NFXL1: variants seen among roughly 807,000 people sequenced by gnomAD.
The protein encoded by NFXL1 is NF-X1-type zinc finger protein NFXL1.
NFXL1 carries 66 observed loss-of-function variants against 123.3 expected under a neutral mutation model. That is an observed-to-expected ratio of 0.54 (90% CI 0.44 to 0.66). NFXL1 has a LOEUF of 0.66. NFXL1 is among the 30% of genes least tolerant of loss of function. The pLI is 0.00. For synonymous variants in NFXL1, 346 were observed against 360.8 expected (o/e 0.96, Z 0.46); for missense variants, 944 against 1,125.6 (o/e 0.84, Z 2.31).
intron 20 of NFXL1, 54 bp downstream of exon 20, chr4:47,855,005 C>A (rs567522727): frequency 1.0e-5 from 7 of 698,074 alleles, no homozygotes; most frequent in South Asian, 5.0e-5. Flanking sequence ...AACAAGAAAA[C>A]CACACAAAAA....
At chr4:47,877,679 T>C (rs902009695) in intron 17 of NFXL1, among the ~76,000 whole-genome samples, 3 of 151,948 alleles carry the variant, frequency 2.0e-5, no homozygotes, top group Admixed American at 1.3e-4. Context: ...CATTTACACA[T>C]GTTTGCACAT....
At chr4:47,898,690 G>A in intron 8 of NFXL1, 67 bp downstream of exon 8, 2 of 1,052,064 alleles carry the variant, frequency 1.9e-6, no homozygotes, top group Non-Finnish European at 3.0e-6. Context: ...TAGCCTTGCT[G>A]CTTTCTAGGT....
chr4:47,851,218 C>T, intron 21 of NFXL1, 70 bp from the exon 22 acceptor site: 1 of 1,099,598 alleles, frequency 9.1e-7, no homozygotes, highest in African/African-American at 1.5e-5. Flanking sequence ...TTAACATCTA[C>T]CCATCCAGGT....
intron 19 of NFXL1, among the ~76,000 whole-genome samples, chr4:47,859,666 C>A (rs1734610511): frequency 6.6e-6 from 1 of 151,756 alleles, no homozygotes; most frequent in Non-Finnish European, 1.5e-5. Flanking sequence ...CATGGTGAAA[C>A]CCCGTTTCTA....
chr4:47,854,940 C>CAAAAAAAAA (rs373169214), intron 20 of NFXL1, 119 bp downstream of exon 20: 1 of 187,960 alleles, frequency 5.3e-6, no homozygotes. Flanking sequence ...AATTAAAAGG[C>CAAAAAAAAA]AAAAAAAAAA....
chr4:47,905,304 T>C lies in NFXL1; in HGVS notation c.449A>G (p.Asn150Ser). ...RELERTKQYV[N>S]EAFQAGAMTC... is the part of the protein sequence containing the mutation. ...CATAGCCCCTGCTTGAAAAGCTTCA[T>C]TTACATATTGTTTTGTTCGCTCTAA... Residue 150 changes from asparagine (N) to serine (S), a missense_variant, in exon 4 of 23, where the codon AAT (asparagine) becomes AGT (serine). This residue lies in a region of NFXL1 where 303 missense variants were observed against 292.1 expected (regional missense o/e 1.04). Coordinates refer to ENST00000507489, the MANE Select transcript of NFXL1 (RefSeq NM_001278624.2). The C allele has an allele frequency of 1.2e-6, 2 of 1,602,490 alleles. No individual in the cohort carries two copies. The highest frequency in any genetic ancestry group is 1.7e-6 in the Non-Finnish European group (2 of 1,170,216).
Position 47,879,110 on chromosome 4 carries a change from G to T in NFXL1, c.1924C>A (p.Leu642Ile). The change falls in exon 16 of 23, where the codon CTT becomes ATT. Residue 642 changes from leucine to isoleucine, a missense_variant. Leu to Ile is a conservative substitution (Grantham distance 5). Coordinates refer to ENST00000507489, the MANE Select transcript of NFXL1 (RefSeq NM_001278624.2). ...PCQVPIPMECLGKHEVSPLPC... is the reference protein window; with the variant it reads ...PCQVPIPMECIGKHEVSPLPC... ...CTGTAACTTACCTCATGTTTCCCAA[G>T]ACATTCCCTACAAGGAAAAAATAAA... 1 of 1,367,542 alleles carries T rather than the reference G, an allele frequency of 7.3e-7. No individual in the cohort carries two copies. The highest frequency in any genetic ancestry group is 9.8e-7 in the Non-Finnish European group (1 of 1,016,654). The allele number at this position is 1,367,542 out of a possible 1,614,324, so 84.7% of individuals were successfully genotyped here.
intron 12 of NFXL1, among the ~76,000 whole-genome samples, chr4:47,889,457 G>T (rs1736638970): frequency 6.6e-6 from 1 of 152,104 alleles, no homozygotes; most frequent in East Asian, 1.9e-4. Flanking sequence ...ATAAACACTG[G>T]GTTCACATCC....
intron 18 of NFXL1, 21 bp downstream of exon 18, chr4:47,875,106 C>T: frequency 6.6e-7 from 1 of 1,520,606 alleles, no homozygotes; most frequent in African/African-American, 1.4e-5. Flanking sequence ...TAAAATAAGA[C>T]TTTTTTTTCA....
chr4:47,862,488 T>A (rs1734825803), intron 19 of NFXL1, among the ~76,000 whole-genome samples: 1 of 152,128 alleles, frequency 6.6e-6, no homozygotes, highest in Admixed American at 6.6e-5. Context: ...CCCCTATTTT[T>A]AAAAATAACC....
chr4:47,872,394 A>G (rs4695294), intron 18 of NFXL1, among the ~76,000 whole-genome samples: 123,359 of 150,946 alleles, frequency 0.82, 50,621 homozygotes, highest in East Asian at 0.98. Flanking sequence ...CCCAGGAGGC[A>G]GAGATTGCAG....
intron 3 of NFXL1, among the ~76,000 whole-genome samples, chr4:47,909,906 C>G (rs1013117063): frequency 6.6e-6 from 1 of 152,108 alleles, no homozygotes; most frequent in Admixed American, 6.5e-5. Context: ...AGTGATCCCC[C>G]GGCCTCGGCC....
intron 22 of NFXL1, among the ~76,000 whole-genome samples, chr4:47,849,176 T>C (rs1433847732): frequency 6.6e-6 from 1 of 152,106 alleles, no homozygotes; most frequent in Non-Finnish European, 1.5e-5. Context: ...CTCTACCAAA[T>C]ACATTTTTTA....
intron 5 of NFXL1, among the ~76,000 whole-genome samples, chr4:47,902,207 A>T (rs997087047): frequency 1.3e-5 from 2 of 152,100 alleles, no homozygotes; most frequent in Non-Finnish European, 2.9e-5. Context: ...TAAAATAAAA[A>T]AAAAATTTAA....
chr4:47,851,748 T>C, intron 21 of NFXL1, 108 bp downstream of exon 21: 1 of 720,134 alleles, frequency 1.4e-6, no homozygotes, highest in Non-Finnish European at 2.3e-6. Flanking sequence ...GCTTTTATTA[T>C]AAAAGCAAAA....
At chr4:47,848,377 A>T in intron 22 of NFXL1, 41 bp from the exon 23 acceptor site, 1 of 1,416,596 alleles carries the variant, frequency 7.1e-7, no homozygotes, top group Non-Finnish European at 9.7e-7. Context: ...TTCAATGCAT[A>T]CATTGATTTG....
chr4:47,856,998 G>C (rs750892676), intron 19 of NFXL1, among the ~76,000 whole-genome samples: 2 of 151,910 alleles, frequency 1.3e-5, no homozygotes, highest in East Asian at 3.9e-4. Context: ...CTCAAAATAC[G>C]TCTCTATATC....
intron 19 of NFXL1, among the ~76,000 whole-genome samples, chr4:47,862,059 A>C (rs981658728): frequency 6.6e-6 from 1 of 152,238 alleles, no homozygotes; most frequent in African/African-American, 2.4e-5. Flanking sequence ...CAAATCAAGT[A>C]ATTTTAACTG....
At chr4:47,857,421 C>T (rs1734475354) in intron 19 of NFXL1, among the ~76,000 whole-genome samples, 1 of 152,148 alleles carries the variant, frequency 6.6e-6, no homozygotes, top group South Asian at 2.1e-4. Context: ...AGGATCATGG[C>T]TATAGTGTCG....
Sources: allele counts gnomAD v4.1 joint callset (sites outside exome capture counted in the v4.1 genomes callset), GRCh38; gene constraint gnomAD v4.1.1; regional missense constraint gnomAD v4.1.1; transcripts MANE v1.5; gene names NCBI Gene and HGNC (gene_info 2026-07-23, HGNC 2026-07-21).